MYH3: variants seen among roughly 807,000 people sequenced by gnomAD.
MYH3 encodes the protein myosin-3.
In MYH3, 130 loss-of-function variants were observed where a neutral mutation model predicts 238.0. The ratio of observed to expected loss-of-function variants is 0.55; its 90% CI spans 0.47 to 0.63. The LOEUF is 0.63. Among genes scored for constraint, MYH3 ranks in the 30% least tolerant of loss-of-function variants. MYH3 has a pLI of 0.00. For synonymous variants in MYH3, 880 were observed against 924.1 expected (o/e 0.95, Z 0.86); for missense variants, 1,853 against 2,374.9 (o/e 0.78, Z 4.57).
chr17:10,651,044 A>C lies in MYH3; in HGVS notation c.505+468T>G, dbSNP rs139334829. On this transcript the variant is annotated intron_variant, in intron 5 of 40. Coordinates refer to ENST00000583535, the MANE Select transcript of MYH3 (RefSeq NM_002470.4). The stretch of plus-strand genomic sequence containing the variant: ...CTATTAAAAATATAAAAATAGCCGG[A>C]CATGGTGGTGCATACCTGTAGTCGC... 4.6e-5 allele frequency among the ~76,000 whole-genome samples: 7 copies of C among 152,114 alleles called. No individual in the cohort carries two copies. The East Asian group carries it at 1.4e-3, about 29-fold the overall frequency.
At position 10,642,845 on chromosome 17, in the gene MYH3, C is replaced by A; in HGVS notation, c.1562G>T (p.Cys521Phe). 6.2e-7 allele frequency: 1 copy of A among 1,614,136 alleles called. No homozygotes were observed. The stretch of plus-strand genomic sequence containing the variant: ...GGATACCTTCTCGATGAGCTCGATG[C>A]AGGCAGCCAGGTCCATCCCGAAGTC... ...FIDFGMDLAA[C>F]IELIEKPMGI... is the part of the protein sequence containing the mutation. The change falls in exon 15 of 41, where the codon TGC (cysteine) becomes TTC (phenylalanine). Residue 521 changes from cysteine to phenylalanine, a missense_variant. Physicochemically the swap from Cys to Phe is radical, Grantham distance 205. This residue lies in a region of MYH3 where 678 missense variants were observed against 1,058.9 expected (regional missense o/e 0.64). Coordinates refer to ENST00000583535, the MANE Select transcript of MYH3 (RefSeq NM_002470.4). The surrounding 1 kb of genome is among the most constrained non-coding windows in gnomAD (Gnocchi z 5.4).
At chr17:10,638,851 G>C (rs772106684) in intron 26 of MYH3, 22 bp downstream of exon 26, 3 of 1,608,522 alleles carry the variant, frequency 1.9e-6, no homozygotes, top group Non-Finnish European at 1.7e-6. Flanking sequence ...ACATGGAAGA[G>C]AGAAATGCAG....
rs199765666 is a variant in MYH3 at position 10,655,075 on chromosome 17, G to A, written c.-8-3C>T. ...AGTGTCACTACTCATGGTGTCAGCT[G>A]GAAGGCAAACCCACCCGGTGAGCTC... On this transcript the variant is annotated splice_region_variant and splice_polypyrimidine_tract_variant and intron_variant, in intron 2 of 40. Transcript: ENST00000583535. The A allele has an allele frequency of 2.0e-5, 33 of 1,613,698 alleles. No individual in the cohort carries two copies. Among genetic ancestry groups the A allele is most frequent in the African/African-American group, 2.7e-5 (2 of 74,896 alleles).
At chr17:10,675,928 C>T in the MYH3 span, 1 of 152,128 alleles carries the variant, frequency 6.6e-6, no homozygotes, top group Non-Finnish European at 1.5e-5. Context: ...GGAGACAACA[C>T]ATCCCCACAA....
In MYH3 at chr17:10,649,577, C is replaced by T; in HGVS notation, c.642G>A (p.Lys214=). ...GCAAGCCTTCCTCTCCCATCTATAC[C>T]TTCATTTTGGAGTCCTTCTTCTTGG... ...DLAKKKDSKM[K]GTLEDQIISA... Residue 214 remains lysine (K), a splice_region_variant and synonymous_variant, in exon 7 of 41, where the codon AAG becomes AAA. Coordinates refer to ENST00000583535, the MANE Select transcript of MYH3 (RefSeq NM_002470.4). The T allele has an allele frequency of 6.2e-7, 1 of 1,612,556 alleles. No individual in the cohort carries two copies. The highest frequency in any genetic ancestry group is 8.5e-7 in the Non-Finnish European group (1 of 1,178,572).
At chr17:10,670,567 C>G in the MYH3 span, among the ~76,000 whole-genome samples, 1 of 152,066 alleles carries the variant, frequency 6.6e-6, no homozygotes, top group Non-Finnish European at 1.5e-5. The surrounding 1 kb of genome is among the most constrained non-coding windows in gnomAD (Gnocchi z 7.0). Context: ...GTTCAGCCTC[C>G]CTAGTAGCTG....
At chr17:10,655,174 G>A in intron 2 of MYH3, 102 bp from the exon 3 acceptor site, 1 of 924,242 alleles carries the variant, frequency 1.1e-6, no homozygotes, top group Non-Finnish European at 1.8e-6. Flanking sequence ...TCAGCCGCAG[G>A]AGCCCTCAGA....
chr17:10,640,052 C>G lies in MYH3; in HGVS notation c.2626G>C (p.Glu876Gln). Residue 876 changes from glutamate to glutamine, a missense_variant, in exon 22 of 41, where the codon GAA becomes CAA. Transcript: ENST00000583535. ...TCTTGGACCAGAGTCACCAGTTTTT[C>G]CTCTAGCTCCTTCCTTTTTGCCTCC... The part of the protein sequence containing the change: ...KSEAKRKELE[E>Q]KLVTLVQEKN... 1 of 1,613,822 alleles carries G rather than the reference C, an allele frequency of 6.2e-7. No individual in the cohort carries two copies. Among genetic ancestry groups the G allele is most frequent in the African/African-American group, 1.3e-5 (1 of 74,952 alleles).
At chr17:10,651,358 A>G (rs2074372624) in intron 5 of MYH3, among the ~76,000 whole-genome samples, 154 bp downstream of exon 5, 1 of 152,160 alleles carries the variant, frequency 6.6e-6, no homozygotes, top group Admixed American at 6.5e-5. Context: ...GGGGCCCTAC[A>G]TGATGCAGCC....
chr17:10,657,560 G>C (rs1397107119), upstream of MYH3, among the ~76,000 whole-genome samples: 3 of 152,180 alleles, frequency 2.0e-5, no homozygotes, highest in East Asian at 5.8e-4. Flanking sequence ...TCCCTCCCCT[G>C]ATGGGATGGG....
chr17:10,635,507 C>T lies in MYH3; in HGVS notation c.4032G>A (p.Leu1344=), dbSNP rs1446674784. 10 of 1,614,108 alleles carry T rather than the reference C, an allele frequency of 6.2e-6. No individual in the cohort carries two copies. The highest frequency in any genetic ancestry group is 2.2e-5 in the East Asian group (1 of 44,896). Residue 1344 remains leucine, a synonymous_variant, in exon 30 of 41, where the codon CTG becomes CTA. Transcript: ENST00000583535. Reference sequence around the variant, plus strand: ...CCTGCTCCTCCTCATACTGTTCCCGCAGCAGGTCACAGTCGTGGCGGGAGG... The same window carrying T: ...CCTGCTCCTCCTCATACTGTTCCCGTAGCAGGTCACAGTCGTGGCGGGAGG... ...LQSSRHDCDL[L]REQYEEEQEG...
chr17:10,630,720 A>G (rs1225361620), intron 36 of MYH3, among the ~76,000 whole-genome samples: 2 of 152,166 alleles, frequency 1.3e-5, no homozygotes, highest in African/African-American at 4.8e-5. Flanking sequence ...GCGTGGTGGC[A>G]GATGCCCGTA....
rs776190604 is a variant in MYH3 at position 10,635,005 on chromosome 17, G to A, written c.4191C>T (p.Arg1397=). The change falls in exon 31 of 41, where the codon CGC becomes CGT. Residue 1397 remains arginine, a synonymous_variant. Coordinates refer to ENST00000583535, the MANE Select transcript of MYH3 (RefSeq NM_002470.4). ...CAACCTGTTCCTCGGAATCTTGAAG[G>A]CGCTGAGCAAGTTTTTTCCTTAAAG... ...LEEAKKKLAQ[R]LQDSEEQVEA... The A allele has an allele frequency of 5.5e-5, 88 of 1,614,004 alleles. No homozygotes were observed. Among genetic ancestry groups the A allele is most frequent in the Non-Finnish European group, 7.1e-5 (84 of 1,180,044 alleles).
chr17:10,669,589 A>T, the MYH3 span, among the ~76,000 whole-genome samples: 1 of 144,230 alleles, frequency 6.9e-6, no homozygotes, highest in Non-Finnish European at 1.5e-5. Context: ...AAAAAAGAGG[A>T]GTTGAACTAA....
At chr17:10,668,629 A>C in the MYH3 span, among the ~76,000 whole-genome samples, 1 of 152,230 alleles carries the variant, frequency 6.6e-6, no homozygotes, top group African/African-American at 2.4e-5. Flanking sequence ...GGAATTTGTT[A>C]ATTTTCTTAG....
At position 10,639,964 on chromosome 17, in the gene MYH3, T is replaced by TA. The variant is rs34274020; in HGVS notation, c.2682+31dup. 2.6e-3 allele frequency: 3,885 copies of TA among 1,479,360 alleles called. No homozygotes were observed. Among genetic ancestry groups the TA allele is most frequent in the African/African-American group, 7.5e-3 (526 of 69,828 alleles). The allele number at this position is 1,479,360 out of a possible 1,614,324, so 91.6% of individuals were successfully genotyped here. On this transcript the variant is annotated intron_variant, in intron 22 of 40. Transcript: ENST00000583535. Reference sequence around the variant, plus strand: ...AATAAATAATCAAATCTAGAAGAGTTAAAAAAAAAAAAAAGATTGCTAAAC... The same window carrying TA: ...AATAAATAATCAAATCTAGAAGAGTTAAAAAAAAAAAAAAAGATTGCTAAAC...
chr17:10,661,736 C>T (rs1214109091), upstream of MYH3, among the ~76,000 whole-genome samples: 3 of 152,162 alleles, frequency 2.0e-5, no homozygotes, highest in Non-Finnish European at 2.9e-5. Context: ...CAGCATCATG[C>T]CCAGGACCGC....
chr17:10,656,933 T>C (rs1249277506), intron 1 of MYH3, among the ~76,000 whole-genome samples: 1 of 152,072 alleles, frequency 6.6e-6, no homozygotes, highest in Non-Finnish European at 1.5e-5. Flanking sequence ...TGACCCTTCA[T>C]GGGTCACAGA....
the MYH3 span, among the ~76,000 whole-genome samples, chr17:10,671,161 G>A: frequency 1.3e-5 from 2 of 152,130 alleles, no homozygotes; most frequent in African/African-American, 4.8e-5. Context: ...CTAAAGTGCT[G>A]GGATTACAGG....
Sources: gnomAD v4.1 joint callset for allele counts (sites outside exome capture counted in the v4.1 genomes callset) on GRCh38, gnomAD v4.1.1 for gene constraint, gnomAD v4.1.1 regional missense constraint, Gnocchi (gnomAD v3.1) non-coding constraint, MANE v1.5 for transcripts, NCBI Gene and HGNC (gene_info 2026-07-23, HGNC 2026-07-21) for gene names.